The following FBXL7 variants were observed in gnomAD, a reference collection of about 807,000 sequenced individuals.
The protein encoded by FBXL7 is F-box/LRR-repeat protein 7.
A neutral mutation model predicts 38.3 loss-of-function variants in FBXL7; 12 were observed. The ratio of observed to expected loss-of-function variants is 0.31; its 90% CI spans 0.20 to 0.51. The LOEUF is 0.51. Among genes scored for constraint, FBXL7 ranks in the 20% least tolerant of loss-of-function variants. The pLI is 0.98. For synonymous variants in FBXL7, 297 were observed against 300.9 expected, an observed-to-expected ratio of 0.99 and a Z score of 0.13; for missense variants, 567 against 676.4, an observed-to-expected ratio of 0.84 and a Z score of 1.79.
intron 2 of FBXL7, among the ~76,000 whole-genome samples, chr5:15,657,300 T>C (rs79379747): frequency 0.027 from 4,073 of 150,758 alleles, 79 homozygotes; most frequent in East Asian, 0.053. Flanking sequence ...AGTAGGCAAC[T>C]TTAGTAGGCT....
intron 1 of FBXL7, among the ~76,000 whole-genome samples, chr5:15,536,340 C>A (rs1737582195): frequency 6.6e-6 from 1 of 152,204 alleles, no homozygotes. Context: ...AATGGTAGAT[C>A]CACCAACAGC....
intron 1 of FBXL7, among the ~76,000 whole-genome samples, chr5:15,547,990 A>T (rs1737962800): frequency 6.6e-6 from 1 of 152,208 alleles, no homozygotes; most frequent in Non-Finnish European, 1.5e-5. Flanking sequence ...GGATGATCCC[A>T]GAAAGGATGT....
chr5:15,879,106 G>A (rs1740334093), intron 2 of FBXL7, among the ~76,000 whole-genome samples: 1 of 152,152 alleles, frequency 6.6e-6, no homozygotes, highest in Non-Finnish European at 1.5e-5. Flanking sequence ...GATGATGAAA[G>A]CTAGTGCATT....
chr5:15,519,502 AGGAACT>A (rs998489092), intron 1 of FBXL7, among the ~76,000 whole-genome samples: 4 of 152,078 alleles, frequency 2.6e-5, no homozygotes, highest in African/African-American at 7.2e-5. Context: ...TTTTTGAGAC[AGGAACT>A]TCCTGTCTGT....
At chr5:15,540,946 C>T (rs921463071) in intron 1 of FBXL7, among the ~76,000 whole-genome samples, 3 of 152,094 alleles carry the variant, frequency 2.0e-5, no homozygotes, top group African/African-American at 7.2e-5. Flanking sequence ...TGGAAAGATA[C>T]AAACCTTCAG....
intron 2 of FBXL7, among the ~76,000 whole-genome samples, chr5:15,731,122 T>C (rs756875220): frequency 1.3e-5 from 2 of 151,706 alleles, no homozygotes; most frequent in Non-Finnish European, 2.9e-5. Context: ...AGAGGGAAAA[T>C]GGATGATTGG....
At chr5:15,561,424 G>A (rs10067454) in intron 1 of FBXL7, among the ~76,000 whole-genome samples, 1,742 of 152,102 alleles carry the variant, frequency 0.011, 25 homozygotes, top group African/African-American at 0.038. Context: ...ATCGTATTCC[G>A]TTGTATAAAT....
intron 2 of FBXL7, among the ~76,000 whole-genome samples, chr5:15,702,977 G>A (rs895888970): frequency 2.0e-5 from 3 of 152,166 alleles, no homozygotes; most frequent in African/African-American, 7.2e-5. Flanking sequence ...TCTGAGCCAG[G>A]ATGAGCCAGG....
At chr5:15,500,862 T>C in intron 1 of FBXL7, 149 bp downstream of exon 1, 1 of 951,708 alleles carries the variant, frequency 1.1e-6, no homozygotes, top group Non-Finnish European at 1.6e-6. Context: ...CCTTTGGCAG[T>C]GAGTGACCAG....
At chr5:15,869,219 T>C (rs1875987) in intron 2 of FBXL7, among the ~76,000 whole-genome samples, 2,138 of 152,266 alleles carry the variant, frequency 0.014, 48 homozygotes, top group African/African-American at 0.047. Context: ...CCCATCACTT[T>C]GCCTATATTT....
rs138818562 is a variant in FBXL7, at chr5:15,865,225, G to A, written c.128-62665G>A. On this transcript the variant is annotated intron_variant, in intron 2 of 3. Transcript: ENST00000504595. ...CCAGCTTCTGTGGGAGAGGAGTAAC[G>A]CCCTGACTGACAGCTCCATCTAAAT... Among the ~76,000 whole-genome samples, 31 of 152,250 alleles carry A rather than the reference G, an allele frequency of 2.0e-4. No homozygotes were observed. In the East Asian group the frequency reaches 5.0e-3, roughly 25 times the overall value.
chr5:15,549,288 T>G (rs748411067), intron 1 of FBXL7, among the ~76,000 whole-genome samples: 1 of 152,212 alleles, frequency 6.6e-6, no homozygotes, highest in Admixed American at 6.5e-5. Flanking sequence ...GTGGAACACG[T>G]ACAGTTGGCC....
chr5:15,555,413 C>G (rs1198189980), intron 1 of FBXL7, among the ~76,000 whole-genome samples: 1 of 152,180 alleles, frequency 6.6e-6, no homozygotes, highest in Admixed American at 6.5e-5. Flanking sequence ...GGTGGGATCA[C>G]TTTGGTTACA....
intron 2 of FBXL7, among the ~76,000 whole-genome samples, chr5:15,862,291 T>A (rs1207263957): frequency 6.6e-6 from 1 of 152,190 alleles, no homozygotes; most frequent in Non-Finnish European, 1.5e-5. Context: ...TCTTCTCTTG[T>A]CTGCCACCAT....
chr5:15,937,265 C>T lies in FBXL7; in HGVS notation c.*79C>T. 7.1e-7 allele frequency: 1 copy of T among 1,416,800 alleles called. No homozygotes were observed. Among genetic ancestry groups the T allele is most frequent in the Non-Finnish European group, 9.3e-7 (1 of 1,078,282 alleles). The allele number at this position is 1,416,800 out of a possible 1,614,324, so 87.8% of individuals were successfully genotyped here. A position where few individuals can be genotyped will look rare whatever the true frequency, so the allele number is the denominator to read the frequency against. On this transcript the variant is annotated 3_prime_UTR_variant, in exon 4 of 4. Transcript: ENST00000504595. ...TTTTTAAAAGCAGCGTATGTAAGCA[C>T]CGACACCCACTCAAAACAGCTCTTT...
intron 2 of FBXL7, among the ~76,000 whole-genome samples, chr5:15,884,230 T>C (rs540599902): frequency 6.6e-6 from 1 of 151,384 alleles, no homozygotes; most frequent in East Asian, 1.9e-4. Context: ...AGGACACTAA[T>C]ACTATGGGAT....
intron 2 of FBXL7, among the ~76,000 whole-genome samples, chr5:15,707,186 T>TG (rs1358455385): frequency 2.7e-4 from 38 of 142,964 alleles, no homozygotes; most frequent in African/African-American, 5.1e-5. Flanking sequence ...TTTTTTTTTT[T>TG]TTTTTTTTTT....
Position 15,847,973 on chromosome 5 carries a change from C to T in FBXL7, c.128-79917C>T, listed in dbSNP as rs746719672. Among the ~76,000 whole-genome samples the T allele has an allele frequency of 4.6e-5, 7 of 152,288 alleles. 1 individual carries two copies. The South Asian group carries it at 1.2e-3, about 27-fold the overall frequency. On this transcript the variant is annotated intron_variant, in intron 2 of 3. Transcript: ENST00000504595. ...CGCTTAGCACTGGAGAGGAACACAG[C>T]CCAGCTAACACTGATTGCAGTCTTG...
chr5:15,797,062 T>C (rs753417954), intron 2 of FBXL7, among the ~76,000 whole-genome samples: 93 of 152,230 alleles, frequency 6.1e-4, no homozygotes, highest in Non-Finnish European at 9.3e-4. Context: ...TATTTGTAGA[T>C]AGTCTGAACG....
Sources: allele counts gnomAD v4.1 joint callset (sites outside exome capture counted in the v4.1 genomes callset), GRCh38; gene constraint gnomAD v4.1.1; transcripts MANE v1.5; gene names NCBI Gene and HGNC (gene_info 2026-07-23, HGNC 2026-07-21).